SHROOM3: variants seen among roughly 807,000 people sequenced by gnomAD.
SHROOM3 encodes shroom family member 3.
Under a neutral mutation model 138.6 loss-of-function variants are expected in SHROOM3, and 47 were observed. The observed-to-expected ratio is 0.34, with a 90% CI of 0.27 to 0.43. The LOEUF (loss-of-function observed/expected upper bound fraction) is 0.43, where lower values mean the gene tolerates loss of function less well. SHROOM3 is among the 20% of genes least tolerant of loss of function. The pLI is 1.00. For synonymous variants in SHROOM3, 1,062 were observed against 1,063.3 expected, an observed-to-expected ratio of 1.00 and a Z score of 0.02; for missense variants, 2,491 against 2,596.5, an observed-to-expected ratio of 0.96 and a Z score of 0.88.
chr4:76,600,010 G>A (rs910784713), intron 2 of SHROOM3, among the ~76,000 whole-genome samples: 2 of 152,118 alleles, frequency 1.3e-5, no homozygotes, highest in Admixed American at 6.5e-5. Flanking sequence ...AATTAGCCAG[G>A]TGTGGTGGCA....
Position 76,436,043 on chromosome 4 carries a change from T to A in SHROOM3, c.-10T>A. On this transcript the variant is annotated 5_prime_UTR_variant, in exon 1 of 11. An upstream start codon of the reference 5' UTR is lost. Transcript: ENST00000296043. Reference sequence around the variant, plus strand: ...ATTTTAAATTTAACTTGAGGGATCATGTGTTTGGCATGATGAGGACCACTG... The same window carrying A: ...ATTTTAAATTTAACTTGAGGGATCAAGTGTTTGGCATGATGAGGACCACTG... 1 of 1,613,486 alleles carries A rather than the reference T, an allele frequency of 6.2e-7. No individual in the cohort carries two copies. Among genetic ancestry groups the A allele is most frequent in the Non-Finnish European group, 8.5e-7 (1 of 1,179,710 alleles).
At chr4:76,535,826 A>G (rs1732941205) in intron 1 of SHROOM3, among the ~76,000 whole-genome samples, 1 of 152,228 alleles carries the variant, frequency 6.6e-6, no homozygotes, top group Non-Finnish European at 1.5e-5. Flanking sequence ...CCTACAGCAC[A>G]GTTTTGAGTG....
intron 6 of SHROOM3, 31 bp from the exon 7 acceptor site, chr4:76,754,280 C>G: frequency 6.2e-7 from 1 of 1,613,974 alleles, no homozygotes; most frequent in Non-Finnish European, 8.5e-7. Flanking sequence ...TTCTTCAGAG[C>G]TGTAACCCTC....
At chr4:76,483,511 G>A (rs1394215169) in intron 1 of SHROOM3, among the ~76,000 whole-genome samples, 2 of 152,202 alleles carry the variant, frequency 1.3e-5, no homozygotes, top group Non-Finnish European at 2.9e-5. Flanking sequence ...GTGCTGGAGA[G>A]GATGTGGAGA....
intron 2 of SHROOM3, among the ~76,000 whole-genome samples, chr4:76,598,940 G>C (rs1733910551): frequency 6.6e-6 from 1 of 152,174 alleles, no homozygotes; most frequent in East Asian, 1.9e-4. Context: ...GTGAGAAAAG[G>C]CTGCTCCAGG....
intron 1 of SHROOM3, among the ~76,000 whole-genome samples, chr4:76,544,541 T>A (rs528440376): frequency 2.2e-5 from 3 of 135,224 alleles, no homozygotes; most frequent in South Asian, 2.2e-4. Context: ...CTCAGCCTCC[T>A]GGCTTTTTTT....
Position 76,642,250 on chromosome 4 carries a change from T to G in SHROOM3, c.324-67906T>G, listed in dbSNP as rs148265595. On this transcript the variant is annotated intron_variant, in intron 2 of 10. Coordinates refer to ENST00000296043, the MANE Select transcript of SHROOM3 (RefSeq NM_020859.4). ...GGCAAGGACTCTTTGTCTTCCTCAT[T>G]TCTAAATGTCTAAAGCCTGATCAAT... Among the ~76,000 whole-genome samples, 157 of 152,260 alleles carry G rather than the reference T, an allele frequency of 1.0e-3. 1 individual carries two copies. Among genetic ancestry groups the G allele is most frequent in the African/African-American group, 3.7e-3 (153 of 41,552 alleles).
chr4:76,464,425 A>G (rs1337035090), intron 1 of SHROOM3, among the ~76,000 whole-genome samples: 3 of 151,438 alleles, frequency 2.0e-5, no homozygotes, highest in African/African-American at 7.3e-5. Context: ...TTTTAATTTT[A>G]TAGGCTCATA....
intron 9 of SHROOM3, among the ~76,000 whole-genome samples, chr4:76,769,104 CTTTT>C (rs914801259): frequency 6.6e-6 from 1 of 151,162 alleles, no homozygotes; most frequent in Non-Finnish European, 1.5e-5. Context: ...TATGTTTTTC[CTTTT>C]TTTGTGTGTG....
intron 1 of SHROOM3, among the ~76,000 whole-genome samples, chr4:76,490,642 G>A (rs776551172): frequency 2.0e-5 from 3 of 152,132 alleles, no homozygotes; most frequent in Non-Finnish European, 4.4e-5. Flanking sequence ...ACAGCCTTAG[G>A]TTCCCTGCCT....
At position 76,771,309 on chromosome 4, in the gene SHROOM3, C is replaced by G. The variant is rs895574465; in HGVS notation, c.5622+411C>G. ...AGGAGAATCGCTTGAACCCGGGAGG[C>G]AGAGGTTGCAGTGAGCCGAGATCAC... is the stretch of plus-strand genomic sequence containing the variant. On this transcript the variant is annotated intron_variant, in intron 10 of 10. Coordinates refer to ENST00000296043, the MANE Select transcript of SHROOM3 (RefSeq NM_020859.4). Among the ~76,000 whole-genome samples the G allele has an allele frequency of 1.5e-4, 23 of 151,346 alleles. No individual in the cohort carries two copies. The East Asian group carries it at 4.5e-3, about 29-fold the overall frequency.
chr4:76,558,913 G>C (rs181523972), intron 2 of SHROOM3, among the ~76,000 whole-genome samples: 1 of 152,130 alleles, frequency 6.6e-6, no homozygotes. Context: ...GCTGCCAGGC[G>C]GCCAGAGATT....
At chr4:76,686,079 C>T (rs1182578126) in intron 2 of SHROOM3, among the ~76,000 whole-genome samples, 2 of 152,170 alleles carry the variant, frequency 1.3e-5, no homozygotes, top group South Asian at 2.1e-4. Flanking sequence ...ACAACCCTAG[C>T]TCACTGCAGC....
chr4:76,474,768 A>G (rs1244645118), intron 1 of SHROOM3, among the ~76,000 whole-genome samples: 2 of 151,926 alleles, frequency 1.3e-5, no homozygotes, highest in East Asian at 1.9e-4. Flanking sequence ...ACAAAAAACA[A>G]CAACAACAAA....
At position 76,648,145 on chromosome 4, in the gene SHROOM3, T is replaced by C. The variant is rs188468127; in HGVS notation, c.324-62011T>C. Among the ~76,000 whole-genome samples, 12 of 151,782 alleles carry C rather than the reference T, an allele frequency of 7.9e-5. No individual in the cohort carries two copies. In the East Asian group the frequency reaches 2.0e-3, roughly 25 times the overall value. The stretch of plus-strand genomic sequence containing the variant: ...GAGTTCAAGACCACCCTGAGCAACA[T>C]AGTGAGACCCTGTCTCTGCAAAAAA... On this transcript the variant is annotated intron_variant, in intron 2 of 10. Transcript: ENST00000296043.
At chr4:76,577,317 G>A (rs899493410) in intron 2 of SHROOM3, among the ~76,000 whole-genome samples, 34 of 152,318 alleles carry the variant, frequency 2.2e-4, no homozygotes, top group African/African-American at 7.5e-4. Flanking sequence ...CCAAAGGGAC[G>A]AGGTGCTGGG....
chr4:76,525,516 G>T (rs1046134651), intron 1 of SHROOM3, among the ~76,000 whole-genome samples: 1 of 152,132 alleles, frequency 6.6e-6, no homozygotes. Flanking sequence ...ATTCTAACAG[G>T]TATGTAATGA....
intron 2 of SHROOM3, among the ~76,000 whole-genome samples, chr4:76,633,070 T>C (rs948457290): frequency 1.3e-5 from 2 of 152,130 alleles, no homozygotes; most frequent in South Asian, 2.1e-4. Flanking sequence ...AGGTGATCAA[T>C]TGACAATTGA....
chr4:76,449,347 CTG>C (rs1046375130), intron 1 of SHROOM3, among the ~76,000 whole-genome samples: 3 of 152,282 alleles, frequency 2.0e-5, no homozygotes, highest in African/African-American at 4.8e-5. Flanking sequence ...GGATACATAA[CTG>C]TTTTTTTAAG....
Sources: allele counts gnomAD v4.1 joint callset (sites outside exome capture counted in the v4.1 genomes callset), GRCh38; gene constraint gnomAD v4.1.1; transcripts MANE v1.5; gene names NCBI Gene and HGNC (gene_info 2026-07-23, HGNC 2026-07-21).